CREB3L1: variants seen among roughly 807,000 people sequenced by gnomAD.
The protein encoded by CREB3L1 is cAMP responsive element binding protein 3 like 1, also known as cyclic AMP-responsive element-binding protein 3-like protein 1.
In CREB3L1, 33 loss-of-function variants were observed where a neutral mutation model predicts 54.5. That is an observed-to-expected ratio of 0.61 (90% confidence interval 0.46 to 0.81). The LOEUF is 0.81. Ranked by LOEUF, CREB3L1 falls within the 30% of genes least tolerant of loss-of-function variation. The probability of loss-of-function intolerance (pLI) is 0.00; values close to 1 mark genes in which losing one functional copy is unlikely to be tolerated. For synonymous variants in CREB3L1, 284 were observed against 286.4 expected (o/e 0.99, Z 0.08); for missense variants, 656 against 673.3 (o/e 0.97, Z 0.29).
intron 2 of CREB3L1, among the ~76,000 whole-genome samples, chr11:46,304,745 G>A (rs143087474): frequency 7.0e-4 from 107 of 152,062 alleles, no homozygotes; most frequent in African/African-American, 2.5e-3. Flanking sequence ...GCTAGAGTAC[G>A]GTGTTGCAAT....
Position 46,321,200 on chromosome 11 carries a change from C to T in CREB3L1, c.*454C>T, listed in dbSNP as rs944434393. The T allele has an allele frequency of 7.5e-5, 24 of 320,542 alleles. No homozygotes were observed. Among genetic ancestry groups the T allele is most frequent in the Admixed American group, 4.0e-4 (10 of 24,748 alleles). 19.9% of individuals were successfully genotyped at this position (320,542 alleles called of 1,614,324 possible). On this transcript the variant is annotated 3_prime_UTR_variant, in exon 12 of 12. Coordinates refer to ENST00000621158, the MANE Select transcript of CREB3L1 (RefSeq NM_052854.4). The stretch of plus-strand genomic sequence containing the variant: ...TAAGATATTGTATTTTACAAATCTC[C>T]CTCTTCCCTTCGCCCCTCCCTTGTT...
chr11:46,319,544 T>C (rs1939616490), intron 10 of CREB3L1, among the ~76,000 whole-genome samples: 1 of 152,142 alleles, frequency 6.6e-6, no homozygotes, highest in African/African-American at 2.4e-5. Context: ...AATTAGGATC[T>C]AGAATGGGGA....
chr11:46,319,008 G>C (rs1441466290), intron 10 of CREB3L1, among the ~76,000 whole-genome samples: 1 of 152,156 alleles, frequency 6.6e-6, no homozygotes, highest in Non-Finnish European at 1.5e-5. Context: ...GCAATGCAAG[G>C]TCTGGAGAGC....
At chr11:46,282,636 A>G (rs117372259) in intron 1 of CREB3L1, among the ~76,000 whole-genome samples, 2,610 of 152,236 alleles carry the variant, frequency 0.017, 32 homozygotes, top group Non-Finnish European at 0.029. Flanking sequence ...CTCCTTAGGG[A>G]ACGCTCCCTG....
intron 10 of CREB3L1, among the ~76,000 whole-genome samples, chr11:46,318,944 C>T (rs773024863): frequency 1.3e-5 from 2 of 152,052 alleles, no homozygotes; most frequent in East Asian, 1.9e-4. Context: ...TCCCCGGACA[C>T]GTGCAGGCTG....
intron 1 of CREB3L1, among the ~76,000 whole-genome samples, 195 bp from the exon 2 acceptor site, chr11:46,299,740 G>A (rs1939266017): frequency 6.6e-6 from 1 of 152,166 alleles, no homozygotes; most frequent in Non-Finnish European, 1.5e-5. Context: ...TGATGGAAAT[G>A]ATGAGAGTTG....
At chr11:46,299,759 A>G (rs976312819) in intron 1 of CREB3L1, among the ~76,000 whole-genome samples, 176 bp from the exon 2 acceptor site, 2 of 152,096 alleles carry the variant, frequency 1.3e-5, no homozygotes, top group African/African-American at 4.8e-5. Context: ...TGGTGTTGCA[A>G]TGTTGGTACT....
At chr11:46,290,865 C>T (rs1939120371) in intron 1 of CREB3L1, among the ~76,000 whole-genome samples, 1 of 152,066 alleles carries the variant, frequency 6.6e-6, no homozygotes, top group Non-Finnish European at 1.5e-5. Context: ...ACTGGAAGGG[C>T]CCCAGCTGGC....
rs116772003 is a variant in CREB3L1 at position 46,310,232 on chromosome 11, G to T, written c.595+165G>T. Among the ~76,000 whole-genome samples the T allele has an allele frequency of 3.6e-3, 545 of 151,554 alleles. 1 individual carries two copies. Among genetic ancestry groups the T allele is most frequent in the African/African-American group, 0.013 (525 of 41,108 alleles). ...GTCCCTCCATCCATGCCCACTCTTC[G>T]TCTAGTCCTCTTCGTTTTTGTTTTT... On this transcript the variant is annotated intron_variant, in intron 4 of 11. Coordinates refer to ENST00000621158, the MANE Select transcript of CREB3L1 (RefSeq NM_052854.4).
At chr11:46,311,241 A>G (rs1334037622) in intron 5 of CREB3L1, 52 bp downstream of exon 5, 3 of 1,456,260 alleles carry the variant, frequency 2.1e-6, no homozygotes, top group Non-Finnish European at 2.7e-6. Context: ...GAATACATCC[A>G]CCTGAGCACA....
Position 46,317,408 on chromosome 11 carries a change from C to T in CREB3L1, c.1179C>T (p.Cys393=). 1 of 1,613,884 alleles carries T rather than the reference C, an allele frequency of 6.2e-7. No homozygotes were observed. The highest frequency in any genetic ancestry group is 8.5e-7 in the Non-Finnish European group (1 of 1,179,886). The change falls in exon 10 of 12, where the codon TGC becomes TGT. Residue 393 remains cysteine (C), a synonymous_variant. Transcript: ENST00000621158. The stretch of plus-strand genomic sequence containing the variant: ...TGGTGCTGGGCTCCCTCGTGCCCTG[C>T]CTTCCCGAGTTCTCCTCCGGCTCCC... ...FVLVLGSLVP[C]LPEFSSGSQT...
chr11:46,316,203 G>A, intron 8 of CREB3L1, 83 bp from the exon 9 acceptor site: 1 of 858,006 alleles, frequency 1.2e-6, no homozygotes. Flanking sequence ...GCCAAGTCTG[G>A]AGCCAGCCCC....
Position 46,317,488 on chromosome 11 carries a change from G to A in CREB3L1, c.1258+1G>A. ...GACGGCGTCTACACGGCCAGCCAGAGTGAGTGCCCGCCTGTCATGCCAGCT... is the reference window on the plus strand; with the variant it reads ...GACGGCGTCTACACGGCCAGCCAGAATGAGTGCCCGCCTGTCATGCCAGCT... On this transcript the variant is annotated splice_donor_variant, in intron 10 of 11. Transcript: ENST00000621158. LOFTEE classifies it high-confidence loss of function. The A allele has an allele frequency of 6.2e-7, 1 of 1,608,000 alleles. No homozygotes were observed. The highest frequency in any genetic ancestry group is 8.5e-7 in the Non-Finnish European group (1 of 1,179,822).
rs746245139 is a variant in CREB3L1, at chr11:46,307,918, C to G, written c.434C>G (p.Ser145Trp). 8.3e-6 allele frequency: 13 copies of G among 1,570,254 alleles called. No homozygotes were observed. In the South Asian group the frequency reaches 1.5e-4, roughly 18 times the overall value. Residue 145 changes from serine (S) to tryptophan (W), a missense_variant, in exon 3 of 12, where the codon TCG becomes TGG. Around this residue, in one of 3 missense-constraint regions of CREB3L1, gnomAD observed 339 missense variants for 331.5 expected, o/e 1.02. Transcript: ENST00000621158. ...CCCGTGGACCCTCTGGCTGCCCCCT[C>G]GGCCATGGCTGCCGCGGCCGCCATG... ...ELPVDPLAAP[S>W]AMAAAAAMAT...
chr11:46,301,419 C>T (rs956005029), intron 2 of CREB3L1, among the ~76,000 whole-genome samples: 4 of 151,928 alleles, frequency 2.6e-5, no homozygotes, highest in Non-Finnish European at 5.9e-5. Context: ...GGGTGGATCA[C>T]CTGAGGTGAG....
At chr11:46,302,174 T>C (rs555389904) in intron 2 of CREB3L1, among the ~76,000 whole-genome samples, 44 of 78,520 alleles carry the variant, frequency 5.6e-4, no homozygotes, top group East Asian at 3.7e-3. Flanking sequence ...TCTCAAATAA[T>C]AATAATAATA....
intron 3 of CREB3L1, 85 bp from the exon 4 acceptor site, chr11:46,309,904 C>G: frequency 1.8e-6 from 2 of 1,134,028 alleles, no homozygotes; most frequent in East Asian, 5.1e-5. Context: ...GGGCAGGCAA[C>G]CAGCTTTAGG....
chr11:46,313,859 T>C (rs576276542), intron 8 of CREB3L1, among the ~76,000 whole-genome samples: 1 of 152,336 alleles, frequency 6.6e-6, no homozygotes, highest in East Asian at 1.9e-4. Flanking sequence ...GTTCTTACGC[T>C]GCTCTGCCAT....
At chr11:46,311,445 T>C (rs771205125) in intron 5 of CREB3L1, among the ~76,000 whole-genome samples, 1 of 152,094 alleles carries the variant, frequency 6.6e-6, no homozygotes, top group Non-Finnish European at 1.5e-5. Context: ...GCAATTCTCC[T>C]GTCTCAGCCT....
Sources: gnomAD v4.1 joint callset for allele counts (sites outside exome capture counted in the v4.1 genomes callset) on GRCh38, gnomAD v4.1.1 for gene constraint, gnomAD v4.1.1 regional missense constraint, MANE v1.5 for transcripts, NCBI Gene and HGNC (gene_info 2026-07-23, HGNC 2026-07-21) for gene names.